PHEX: variants seen among roughly 807,000 people sequenced by gnomAD.
PHEX encodes phosphate regulating endopeptidase X-linked.
In PHEX, 16 loss-of-function variants were observed where a neutral mutation model predicts 68.0. That is an observed-to-expected ratio of 0.24 (90% CI 0.16 to 0.36). The LOEUF (loss-of-function observed/expected upper bound fraction) is 0.36, where lower values mean the gene tolerates loss of function less well. Among genes scored for constraint, PHEX ranks in the 10% least tolerant of loss-of-function variants. PHEX has a pLI of 1.00. For synonymous variants in PHEX, 208 were observed against 205.1 expected, an observed-to-expected ratio of 1.01 and a Z score of -0.12; for missense variants, 480 against 575.5, an observed-to-expected ratio of 0.83 and a Z score of 1.70.
chrX:22,082,355 C>G (rs1929429513), intron 5 of PHEX, among the ~76,000 whole-genome samples: 1 of 112,115 alleles, frequency 8.9e-6, no homozygotes, highest in Admixed American at 9.5e-5. Context: ...TTCCTTATAT[C>G]CATGCCAACA....
intron 3 of PHEX, among the ~76,000 whole-genome samples, chrX:22,069,188 A>G (rs1223783286): frequency 8.9e-6 from 1 of 111,847 alleles, no homozygotes; most frequent in Non-Finnish European, 1.9e-5. Context: ...ATGCTATACG[A>G]AAAAACTGAG....
intron 9 of PHEX, among the ~76,000 whole-genome samples, chrX:22,101,616 G>A (rs1188341304): frequency 9.0e-6 from 1 of 111,472 alleles, no homozygotes; most frequent in Non-Finnish European, 1.9e-5. Flanking sequence ...TCCCTTGGAT[G>A]TTTGGCATCC....
At chrX:22,230,229 CTTT>C (rs140475343) in intron 20 of PHEX, among the ~76,000 whole-genome samples, 163 of 10,872 alleles carry the variant, frequency 0.015, no homozygotes, top group African/African-American at 0.041. Flanking sequence ...TATATGGGCT[CTTT>C]TTTTTTTTTT....
Position 22,251,199 on chromosome X carries a change from T to G in PHEX, c.*3246T>G, listed in dbSNP as rs1936555185. On this transcript the variant is annotated 3_prime_UTR_variant, in exon 22 of 22. Transcript: ENST00000379374. ...TGGTTTGAAGAAAGATATTCTTGGA[T>G]TATGTGTTTTATATCTAAATGGTTA... 8.9e-6 allele frequency: 1 copy of G among 112,529 alleles called. No individual in the cohort carries two copies. 9.3% of individuals were successfully genotyped at this position (112,529 alleles called of 1,213,427 possible).
At chrX:22,247,768 A>G in intron 21 of PHEX, 83 bp from the exon 22 acceptor site, 2 of 687,060 alleles carry the variant, frequency 2.9e-6, no homozygotes, top group Non-Finnish European at 4.7e-6. Context: ...CCTTCTTTCT[A>G]GCAATATTCT....
At chrX:22,057,863 C>T (rs890594451) in intron 3 of PHEX, among the ~76,000 whole-genome samples, 26 of 111,674 alleles carry the variant, frequency 2.3e-4, no homozygotes, top group African/African-American at 7.8e-4. Flanking sequence ...AAAGAATGTG[C>T]CCTCTGTGGT....
Position 22,190,489 on chromosome X carries a change from C to T in PHEX, c.1632C>T (p.Ser544=). The T allele has an allele frequency of 8.4e-7, 1 of 1,190,626 alleles. No individual in the cohort carries two copies. Among genetic ancestry groups the T allele is most frequent in the Admixed American group, 2.2e-5 (1 of 46,027 alleles). ...PTTVNAFYSA[S]TNQIRFPAGE... Reference sequence around the variant, plus strand: ...CTGTCAATGCCTTCTACAGTGCATCCACCAACCAGATCCGTGAGTACGGGT... The same window carrying T: ...CTGTCAATGCCTTCTACAGTGCATCTACCAACCAGATCCGTGAGTACGGGT... Residue 544 remains serine, a synonymous_variant, in exon 15 of 22, where the codon TCC becomes TCT. Transcript: ENST00000379374.
intron 12 of PHEX, among the ~76,000 whole-genome samples, chrX:22,158,415 C>T (rs1933014177): frequency 1.8e-5 from 2 of 111,564 alleles, no homozygotes; most frequent in African/African-American, 6.5e-5. Flanking sequence ...ATCAGTTGTT[C>T]CATTTTTTTC....
chrX:22,140,998 A>T (rs1392092861), intron 12 of PHEX, among the ~76,000 whole-genome samples: 1 of 109,344 alleles, frequency 9.1e-6, no homozygotes, highest in East Asian at 2.9e-4. Context: ...CACAGCTAGT[A>T]GGTAGAAGAG....
chrX:22,107,277 G>C (rs1239125473), intron 9 of PHEX, among the ~76,000 whole-genome samples: 1 of 111,498 alleles, frequency 9.0e-6, no homozygotes, highest in Non-Finnish European at 1.9e-5. Context: ...ACCACCATTG[G>C]GCCCCCTAAC....
In PHEX at chrX:22,247,937, C is replaced by T; in HGVS notation, c.2234C>T (p.Ser745Phe). 9 of 1,199,575 alleles carry T rather than the reference C, an allele frequency of 7.5e-6. No homozygotes were observed. The highest frequency in any genetic ancestry group is 1.0e-5 in the Non-Finnish European group (9 of 884,326). Reference sequence around the variant, plus strand: ...TCCACGATGAACAGAGGCATGGACTCCTGCCGACTCTGGTAGCTGGGACGC... The same window carrying T: ...TCCACGATGAACAGAGGCATGGACTTCTGCCGACTCTGGTAGCTGGGACGC... ...PNSTMNRGMDSCRLW is the reference protein window; with the variant it reads ...PNSTMNRGMDFCRLW Residue 745 changes from serine to phenylalanine, a missense_variant, in exon 22 of 22, where the codon TCC (serine) becomes TTC (phenylalanine). Transcript: ENST00000379374.
At position 22,099,134 on chromosome X, in the gene PHEX, A is replaced by G. The variant is rs766616716; in HGVS notation, c.1062A>G (p.Leu354=). 1.7e-6 allele frequency: 2 copies of G among 1,208,789 alleles called. No individual in the cohort carries two copies. ...PQYFKDLFRI[L]GSERKKTIAN... Reference sequence around the variant, plus strand: ...ACTTTAAAGATTTGTTTAGGATATTAGGGTCTGAGAGAAAGAAGTAAGAAC... The same window carrying G: ...ACTTTAAAGATTTGTTTAGGATATTGGGGTCTGAGAGAAAGAAGTAAGAAC... The change falls in exon 9 of 22, where the codon TTA becomes TTG. Residue 354 remains leucine (L), a synonymous_variant. Transcript: ENST00000379374.
intron 11 of PHEX, among the ~76,000 whole-genome samples, chrX:22,129,888 A>G (rs1188877133): frequency 9.0e-6 from 1 of 111,674 alleles, no homozygotes; most frequent in African/African-American, 3.3e-5. Context: ...TCTCCTTCAT[A>G]GACAAACTCA....
At chrX:22,067,511 C>G (rs1928663380) in intron 3 of PHEX, among the ~76,000 whole-genome samples, 1 of 111,471 alleles carries the variant, frequency 9.0e-6, no homozygotes, top group Non-Finnish European at 1.9e-5. Context: ...AATGTTGACA[C>G]TGAGTTAAAA....
intron 15 of PHEX, among the ~76,000 whole-genome samples, chrX:22,202,567 A>G (rs1033231377): frequency 9.8e-5 from 11 of 112,189 alleles, no homozygotes; most frequent in African/African-American, 3.2e-4. Context: ...ATGAATAGAG[A>G]GACTCAGTTT....
intron 21 of PHEX, among the ~76,000 whole-genome samples, chrX:22,247,355 A>G (rs978285361): frequency 8.9e-6 from 1 of 112,193 alleles, no homozygotes; most frequent in Non-Finnish European, 1.9e-5. Flanking sequence ...ATTCACATGA[A>G]GTTCAAAATC....
intron 1 of PHEX, among the ~76,000 whole-genome samples, chrX:22,035,999 T>TACAC (rs767503875): frequency 4.4e-3 from 338 of 76,775 alleles, no homozygotes; most frequent in African/African-American, 7.4e-3. Flanking sequence ...TAATTAATTA[T>TACAC]ACACACACAC....
intron 6 of PHEX, among the ~76,000 whole-genome samples, chrX:22,092,143 G>A (rs1473918272): frequency 1.8e-5 from 2 of 111,519 alleles, no homozygotes; most frequent in African/African-American, 6.5e-5. Flanking sequence ...CAGTTTCTCC[G>A]GGCTAGATTT....
At chrX:22,038,625 T>C in intron 2 of PHEX, 88 bp downstream of exon 2, 2 of 647,586 alleles carry the variant, frequency 3.1e-6, no homozygotes, top group Non-Finnish European at 5.2e-6. Flanking sequence ...TTTAGTATTC[T>C]GTTTGCTTGA....
Sources: gnomAD v4.1 joint callset for allele counts (sites outside exome capture counted in the v4.1 genomes callset) on GRCh38, gnomAD v4.1.1 for gene constraint, MANE v1.5 for transcripts, NCBI Gene and HGNC (gene_info 2026-07-23, HGNC 2026-07-21) for gene names.